CTNNA2: variants seen among roughly 807,000 people sequenced by gnomAD.
CTNNA2 encodes the protein catenin alpha-2.
CTNNA2 carries 42 observed loss-of-function variants against 101.0 expected under a neutral mutation model. That is an observed-to-expected ratio of 0.42 (90% confidence interval 0.32 to 0.54). The LOEUF (loss-of-function observed/expected upper bound fraction) is 0.54, where lower values mean the gene tolerates loss of function less well. CTNNA2 is among the 20% of genes least tolerant of loss of function. CTNNA2 has a pLI of 0.14. For synonymous variants in CTNNA2, 450 were observed against 456.4 expected, an observed-to-expected ratio of 0.99 and a Z score of 0.18; for missense variants, 871 against 1,223.1, an observed-to-expected ratio of 0.71 and a Z score of 4.29.
At chr2:79,275,946 A>T (rs1484247193) in intron 2 of CTNNA2, among the ~76,000 whole-genome samples, 1 of 152,078 alleles carries the variant, frequency 6.6e-6, no homozygotes, top group Non-Finnish European at 1.5e-5. Flanking sequence ...GCATAGAATT[A>T]GGCTAGGGAG....
chr2:79,248,690 A>T (rs1173663293), intron 2 of CTNNA2, among the ~76,000 whole-genome samples: 1 of 152,156 alleles, frequency 6.6e-6, no homozygotes, highest in Non-Finnish European at 1.5e-5. Context: ...ATGTGAGTCA[A>T]GGTGTGCATC....
chr2:80,464,816 C>T (rs993440458), intron 9 of CTNNA2, among the ~76,000 whole-genome samples: 8 of 151,902 alleles, frequency 5.3e-5, no homozygotes, highest in African/African-American at 9.7e-5. Flanking sequence ...AATCTCATAC[C>T]ACAGGTGAAG....
intron 9 of CTNNA2, among the ~76,000 whole-genome samples, chr2:80,434,245 G>T (rs1229029389): frequency 6.6e-6 from 1 of 152,178 alleles, no homozygotes; most frequent in African/African-American, 2.4e-5. Flanking sequence ...TCATTTTCAT[G>T]TAGTTGCTCA....
At chr2:80,073,509 C>A (rs1312095204) in intron 7 of CTNNA2, among the ~76,000 whole-genome samples, 1 of 151,998 alleles carries the variant, frequency 6.6e-6, no homozygotes, top group African/African-American at 2.4e-5. Flanking sequence ...AGGTGTTGGG[C>A]ACAGATTTGT....
At chr2:80,060,564 C>T (rs1558769693) in intron 7 of CTNNA2, among the ~76,000 whole-genome samples, 1 of 152,186 alleles carries the variant, frequency 6.6e-6, no homozygotes, top group Admixed American at 6.5e-5. Flanking sequence ...CATCTCTTAT[C>T]ACTGTGTGAT....
intron 2 of CTNNA2, among the ~76,000 whole-genome samples, chr2:79,738,722 A>T (rs778381563): frequency 1.2e-4 from 19 of 152,224 alleles, no homozygotes; most frequent in Non-Finnish European, 8.8e-5. Context: ...TGATTTTAGC[A>T]ACCTGTTAAC....
intron 2 of CTNNA2, among the ~76,000 whole-genome samples, chr2:79,728,085 A>T (rs189602818): frequency 6.6e-6 from 1 of 152,048 alleles, no homozygotes; most frequent in African/African-American, 2.4e-5. Flanking sequence ...TCCTTTGGGT[A>T]TATACCCAGT....
intron 1 of CTNNA2, among the ~76,000 whole-genome samples, chr2:79,193,729 A>G (rs1178653677): frequency 6.6e-6 from 1 of 152,206 alleles, no homozygotes; most frequent in Non-Finnish European, 1.5e-5. Context: ...TTCTAGAAGC[A>G]ATGTGACTGT....
chr2:80,279,337 C>T (rs2149156856), intron 7 of CTNNA2, among the ~76,000 whole-genome samples: 1 of 152,078 alleles, frequency 6.6e-6, no homozygotes, highest in East Asian at 1.9e-4. Flanking sequence ...TTCATTTGTT[C>T]CTTTATGGTG....
At chr2:80,251,564 G>A (rs765518024) in intron 7 of CTNNA2, among the ~76,000 whole-genome samples, 6 of 152,232 alleles carry the variant, frequency 3.9e-5, no homozygotes, top group Middle Eastern at 3.4e-3. Context: ...ACATTATAAA[G>A]AAAGCCAACC....
chr2:79,888,084 T>TCTAC (rs1425854690), intron 6 of CTNNA2, among the ~76,000 whole-genome samples: 1 of 152,194 alleles, frequency 6.6e-6, no homozygotes, highest in East Asian at 1.9e-4. Flanking sequence ...AAGTGTTTAG[T>TCTAC]CTACCTATGA....
At chr2:80,169,256 A>T (rs971523570) in intron 7 of CTNNA2, among the ~76,000 whole-genome samples, 1 of 152,124 alleles carries the variant, frequency 6.6e-6, no homozygotes, top group Non-Finnish European at 1.5e-5. Flanking sequence ...ATTGATTTTA[A>T]CTGGATGTCC....
At chr2:79,354,484 A>C (rs576504609) in intron 3 of CTNNA2, among the ~76,000 whole-genome samples, 1 of 151,986 alleles carries the variant, frequency 6.6e-6, no homozygotes, top group Non-Finnish European at 1.5e-5. Context: ...AATGCTTCCA[A>C]CTGTATTATA....
At chr2:80,613,485 G>C (rs113860689) in intron 17 of CTNNA2, among the ~76,000 whole-genome samples, 1,598 of 151,338 alleles carry the variant, frequency 0.011, 25 homozygotes, top group African/African-American at 0.036. Flanking sequence ...TGTGTCTTTT[G>C]CACTGCACCT....
At chr2:79,585,655 T>A (rs56746480) in intron 1 of CTNNA2, among the ~76,000 whole-genome samples, 4,613 of 152,222 alleles carry the variant, frequency 0.03, 207 homozygotes, top group African/African-American at 0.1. Flanking sequence ...TGGTAATGAA[T>A]GCATTTGCAC....
intron 9 of CTNNA2, among the ~76,000 whole-genome samples, chr2:80,442,516 T>C (rs1199008722): frequency 6.6e-6 from 1 of 152,200 alleles, no homozygotes; most frequent in Non-Finnish European, 1.5e-5. Context: ...TCCATCTTGC[T>C]TTTGTTCCTT....
chr2:79,606,547 C>T (rs1014094182), intron 1 of CTNNA2, among the ~76,000 whole-genome samples: 13 of 152,110 alleles, frequency 8.5e-5, no homozygotes, highest in Non-Finnish European at 7.4e-5. Context: ...GGATTACAGG[C>T]GTGAGCCACC....
intron 1 of CTNNA2, among the ~76,000 whole-genome samples, chr2:79,590,987 C>A (rs1676810972): frequency 6.6e-6 from 1 of 151,984 alleles, no homozygotes; most frequent in Non-Finnish European, 1.5e-5. Context: ...TGTTGTTTTT[C>A]TCTCTCCCTT....
In CTNNA2 at chr2:79,799,449, T is replaced by C. The variant is rs138811824; in HGVS notation, c.298+54867T>C. On this transcript the variant is annotated intron_variant, in intron 3 of 18. Coordinates refer to ENST00000402739, the MANE Select transcript of CTNNA2 (RefSeq NM_001282597.3). ...TTTGTTTTTTCTGCAAAAACTCTCA[T>C]TGCCTTCTTGTCCAGAAAGGCATGT... Among the ~76,000 whole-genome samples, 184 of 152,294 alleles carry C rather than the reference T, an allele frequency of 1.2e-3. 1 individual carries two copies. Among genetic ancestry groups the C allele is most frequent in the African/African-American group, 4.1e-3 (172 of 41,572 alleles).
Sources: gnomAD v4.1 joint callset for allele counts (sites outside exome capture counted in the v4.1 genomes callset) on GRCh38, gnomAD v4.1.1 for gene constraint, MANE v1.5 for transcripts, NCBI Gene and HGNC (gene_info 2026-07-23, HGNC 2026-07-21) for gene names.